The following LIMCH1 variants were observed in gnomAD, a reference collection of about 807,000 sequenced individuals.
The protein encoded by LIMCH1 is LIM and calponin homology domains-containing protein 1.
A neutral mutation model predicts 176.5 loss-of-function variants in LIMCH1; 113 were observed. The ratio of observed to expected loss-of-function variants is 0.64; its 90% CI spans 0.55 to 0.75. LIMCH1 has a LOEUF of 0.75. LIMCH1 is among the 30% of genes least tolerant of loss of function. The pLI is 0.00. For synonymous variants in LIMCH1, 619 were observed against 645.9 expected (o/e 0.96, Z 0.63); for missense variants, 1,674 against 1,814.9 (o/e 0.92, Z 1.41).
At chr4:41,612,906 C>T in intron 4 of LIMCH1, 1 of 1,428,838 alleles carries the variant, frequency 7.0e-7, no homozygotes, top group South Asian at 1.6e-5. Context: ...CCTTTCAGAG[C>T]AGGAATTTCC....
intron 1 of LIMCH1, among the ~76,000 whole-genome samples, chr4:41,377,763 C>T (rs1454376340): frequency 6.6e-6 from 1 of 152,110 alleles, no homozygotes; most frequent in African/African-American, 2.4e-5. Context: ...CAAGATGTTG[C>T]GGGGCATCAC....
chr4:41,662,381 A>G (rs965684873), intron 19 of LIMCH1, among the ~76,000 whole-genome samples: 2 of 152,198 alleles, frequency 1.3e-5, no homozygotes, highest in Non-Finnish European at 2.9e-5. Flanking sequence ...ACACATTCCA[A>G]TTAAGAAATT....
intron 1 of LIMCH1, among the ~76,000 whole-genome samples, chr4:41,379,502 G>T (rs1320411608): frequency 6.6e-6 from 1 of 152,168 alleles, no homozygotes; most frequent in East Asian, 1.9e-4. Flanking sequence ...TAAGAAGTTA[G>T]TCATTAAGTA....
chr4:41,626,131 G>C (rs1424435870), intron 7 of LIMCH1, among the ~76,000 whole-genome samples: 1 of 152,180 alleles, frequency 6.6e-6, no homozygotes, highest in African/African-American at 2.4e-5. Context: ...GAGGACCAGG[G>C]AATGGAATAG....
At chr4:41,574,657 C>T (rs980634902) in intron 1 of LIMCH1, among the ~76,000 whole-genome samples, 8 of 152,112 alleles carry the variant, frequency 5.3e-5, no homozygotes, top group African/African-American at 1.2e-4. Context: ...ATCAGCTTAA[C>T]CATCATCCCT....
At chr4:41,445,332 C>T (rs1013575379) in intron 1 of LIMCH1, among the ~76,000 whole-genome samples, 6 of 152,104 alleles carry the variant, frequency 3.9e-5, no homozygotes, top group Non-Finnish European at 7.4e-5. Flanking sequence ...TGTAGGAAGC[C>T]TATTTATATC....
intron 1 of LIMCH1, among the ~76,000 whole-genome samples, chr4:41,415,638 G>A (rs537213002): frequency 1.3e-5 from 2 of 152,212 alleles, no homozygotes; most frequent in South Asian, 4.1e-4. Flanking sequence ...GTTAGCTATT[G>A]TCCTTTATCT....
intron 28 of LIMCH1, 32 bp downstream of exon 28, chr4:41,685,862 C>A: frequency 1.3e-6 from 2 of 1,596,272 alleles, no homozygotes; most frequent in African/African-American, 1.4e-5. Flanking sequence ...TTGTGGGATT[C>A]CCTTTTTTAA....
At chr4:41,660,075 T>A (rs994778106) in intron 18 of LIMCH1, among the ~76,000 whole-genome samples, 8 of 152,052 alleles carry the variant, frequency 5.3e-5, no homozygotes, top group African/African-American at 1.7e-4. Context: ...TCTTACTATC[T>A]TTTTTTCTAT....
At chr4:41,532,227 G>A (rs2077404403) in intron 3 of LIMCH1, among the ~76,000 whole-genome samples, 1 of 152,172 alleles carries the variant, frequency 6.6e-6, no homozygotes, top group Admixed American at 6.5e-5. Flanking sequence ...TTGAAAGGTG[G>A]AATATGAACT....
chr4:41,681,148 A>C (rs1715421636), intron 25 of LIMCH1, 89 bp downstream of exon 25: 34 of 720,686 alleles, frequency 4.7e-5, no homozygotes, highest in Non-Finnish European at 8.0e-5. Flanking sequence ...GAACAGACTC[A>C]CTAGTTTAAA....
chr4:41,565,984 T>C (rs1464150230), intron 1 of LIMCH1, among the ~76,000 whole-genome samples: 2 of 152,230 alleles, frequency 1.3e-5, no homozygotes, highest in Non-Finnish European at 2.9e-5. Flanking sequence ...CTGTAGATAT[T>C]CTTATTCCTG....
At chr4:41,399,840 A>ATTTTTTTTTTT (rs71198650) in intron 1 of LIMCH1, among the ~76,000 whole-genome samples, 6 of 114,132 alleles carry the variant, frequency 5.3e-5, no homozygotes, top group South Asian at 3.2e-4. Context: ...TGCCCGGCTA[A>ATTTTTTTTTTT]TTTTTTTTTT....
At chr4:41,529,936 A>G (rs1432370133) in intron 3 of LIMCH1, among the ~76,000 whole-genome samples, 2 of 152,038 alleles carry the variant, frequency 1.3e-5, no homozygotes. Flanking sequence ...ACCCTAACCC[A>G]CTCAGAAACG....
intron 3 of LIMCH1, among the ~76,000 whole-genome samples, chr4:41,530,909 C>T (rs987788487): frequency 1.0e-4 from 14 of 135,358 alleles, no homozygotes; most frequent in East Asian, 2.2e-4. Context: ...ATAACCATCA[C>T]GTATCACATT....
intron 1 of LIMCH1, among the ~76,000 whole-genome samples, chr4:41,407,741 T>C (rs1054466580): frequency 1.3e-5 from 2 of 152,176 alleles, no homozygotes; most frequent in Non-Finnish European, 2.9e-5. Flanking sequence ...TGCCTGCTTC[T>C]CATCATAGTA....
In LIMCH1 at chr4:41,487,858, T is replaced by C. The variant is rs374548727; in HGVS notation, c.97-6678T>C. ...TAGTAGAGACGGGGTTTCACCGTGT[T>C]AGCCAGGATGGTCTCAATCTCCTGA... On this transcript the variant is annotated intron_variant, in intron 1 of 26. Coordinates refer to the LIMCH1 transcript ENST00000313860. 4.0e-5 allele frequency among the ~76,000 whole-genome samples: 6 copies of C among 151,774 alleles called. No individual in the cohort carries two copies. The East Asian group carries it at 5.8e-4, about 15-fold the overall frequency.
intron 1 of LIMCH1, among the ~76,000 whole-genome samples, chr4:41,485,050 T>C (rs2069270192): frequency 6.6e-6 from 1 of 152,238 alleles, no homozygotes; most frequent in South Asian, 2.1e-4. Context: ...TGGAGCATAC[T>C]CATATACAGT....
intron 1 of LIMCH1, among the ~76,000 whole-genome samples, chr4:41,473,887 A>T (rs1310960327): frequency 6.6e-6 from 1 of 152,226 alleles, no homozygotes; most frequent in Non-Finnish European, 1.5e-5. Context: ...TATTTTAAAA[A>T]TGGGCAAATG....
Sources: gnomAD v4.1 joint callset for allele counts (sites outside exome capture counted in the v4.1 genomes callset) on GRCh38, gnomAD v4.1.1 for gene constraint, MANE v1.5 for transcripts, NCBI Gene and HGNC (gene_info 2026-07-23, HGNC 2026-07-21) for gene names.